The following SHTN1 variants were observed in gnomAD, a reference collection of about 807,000 sequenced individuals.
SHTN1 encodes the protein shootin 1, also known as shootin-1.
SHTN1 carries 42 observed loss-of-function variants against 83.1 expected under a neutral mutation model. That is an observed-to-expected ratio of 0.51 (90% CI 0.39 to 0.65). The LOEUF (loss-of-function observed/expected upper bound fraction) is 0.65, where lower values mean the gene tolerates loss of function less well. Ranked by LOEUF, SHTN1 falls within the 30% of genes least tolerant of loss-of-function variation. The probability of loss-of-function intolerance (pLI) is 0.00; values close to 1 mark genes in which losing one functional copy is unlikely to be tolerated. For missense variants in SHTN1, 622 were observed against 737.8 expected, an observed-to-expected ratio of 0.84 and a Z score of 1.82; for synonymous variants, 224 against 247.7, an observed-to-expected ratio of 0.90 and a Z score of 0.90.
chr10:116,979,333 T>TA, intron 1 of SHTN1, 25 bp from the exon 2 acceptor site: 1 of 1,604,070 alleles, frequency 6.2e-7, no homozygotes, highest in Non-Finnish European at 8.5e-7. Context: ...GAAAGCAACA[T>TA]TACAACACTG....
rs375523712 is a variant in SHTN1, at chr10:117,004,315, G to GA, written c.58+706dup. Among the ~76,000 whole-genome samples the GA allele has an allele frequency of 8.9e-4, 135 of 152,046 alleles. 1 individual carries two copies. Among genetic ancestry groups the GA allele is most frequent in the African/African-American group, 3.1e-3 (130 of 41,470 alleles). Reference sequence around the variant, plus strand: ...TTGGTTCAGAAGTGTGGTAACTGATGAAAAAAATGATTGACTGAAGCAGGT... The same window carrying GA: ...TTGGTTCAGAAGTGTGGTAACTGATGAAAAAAAATGATTGACTGAAGCAGGT... On this transcript the variant is annotated intron_variant, in intron 1 of 16. Coordinates refer to ENST00000355371, the MANE Select transcript of SHTN1 (RefSeq NM_001127211.3).
intron 1 of SHTN1, among the ~76,000 whole-genome samples, chr10:117,099,901 G>C (rs931057430): frequency 6.6e-6 from 1 of 152,106 alleles, no homozygotes; most frequent in Non-Finnish European, 1.5e-5. Context: ...ATACAGGCCA[G>C]GCATGGTGGC....
At chr10:116,966,526 T>A (rs1163302843) in intron 3 of SHTN1, among the ~76,000 whole-genome samples, 1 of 152,224 alleles carries the variant, frequency 6.6e-6, no homozygotes, top group Non-Finnish European at 1.5e-5. Flanking sequence ...GGCTTTGAGT[T>A]GCTCATAAGG....
At chr10:116,953,530 T>G (rs998836890) in intron 5 of SHTN1, among the ~76,000 whole-genome samples, 2 of 151,912 alleles carry the variant, frequency 1.3e-5, no homozygotes, top group East Asian at 3.9e-4. Flanking sequence ...TACTGATGCC[T>G]AGGTCCTACC....
At chr10:116,949,976 A>C (rs565529293) in intron 6 of SHTN1, among the ~76,000 whole-genome samples, 2 of 152,194 alleles carry the variant, frequency 1.3e-5, no homozygotes, top group Non-Finnish European at 2.9e-5. Flanking sequence ...AACACTCAAA[A>C]TACTATGTAT....
At chr10:117,003,399 A>C (rs1353340596) in intron 1 of SHTN1, among the ~76,000 whole-genome samples, 1 of 149,174 alleles carries the variant, frequency 6.7e-6, no homozygotes, top group Non-Finnish European at 1.5e-5. Flanking sequence ...TGGGAAGGCC[A>C]AAGAGACTAA....
At chr10:116,929,564 G>C (rs532878747) in intron 10 of SHTN1, among the ~76,000 whole-genome samples, 1 of 152,244 alleles carries the variant, frequency 6.6e-6, no homozygotes, top group East Asian at 1.9e-4. Context: ...ATGCTGAAAA[G>C]TTGGTCTTCC....
intron 5 of SHTN1, among the ~76,000 whole-genome samples, chr10:116,953,836 C>G (rs1849877743): frequency 6.6e-6 from 1 of 151,874 alleles, no homozygotes; most frequent in Non-Finnish European, 1.5e-5. Flanking sequence ...ACCAGGTTGG[C>G]CAAGTTGGTC....
At chr10:117,055,586 AC>A (rs71013636) in intron 1 of SHTN1, among the ~76,000 whole-genome samples, 99,143 of 152,068 alleles carry the variant, frequency 0.65, 36,112 homozygotes, top group Middle Eastern at 0.84. Flanking sequence ...AATGGTTAAG[AC>A]CTGGGTGCAG....
At chr10:116,898,525 G>T (rs1372130188) in intron 16 of SHTN1, among the ~76,000 whole-genome samples, 2 of 152,044 alleles carry the variant, frequency 1.3e-5, no homozygotes, top group African/African-American at 4.8e-5. Flanking sequence ...AGCATAAAGG[G>T]ACATGATGAG....
rs1050706446 is a variant in SHTN1 at position 116,987,028 on chromosome 10, AT to A, written c.59-7721del. Among the ~76,000 whole-genome samples the A allele has an allele frequency of 2.0e-5, 3 of 151,916 alleles. No homozygotes were observed. In the East Asian group the frequency reaches 5.8e-4, roughly 30 times the overall value. On this transcript the variant is annotated intron_variant, in intron 1 of 16. Transcript: ENST00000355371. The stretch of plus-strand genomic sequence containing the variant: ...AGGTGTGAACCACCGTGCCCGGCCT[AT>A]TTTTTTAAAAGGAAAATAAGGTAGC...
At chr10:116,899,544 T>TGTGTGTGTGTGTGA (rs1564865093) in intron 16 of SHTN1, among the ~76,000 whole-genome samples, 2 of 99,164 alleles carry the variant, frequency 2.0e-5, no homozygotes, top group African/African-American at 6.2e-5. Context: ...TGTGTGTGTG[T>TGTGTGTGTGTGTGA]GTGAGAGAGT....
upstream of SHTN1, chr10:117,005,347 G>C: frequency 7.8e-7 from 1 of 1,281,974 alleles, no homozygotes; most frequent in Non-Finnish European, 9.9e-7. Context: ...GGGCGGGTCG[G>C]CAGCCGCTAT....
Position 117,079,352 on chromosome 10 carries a change from C to T in SHTN1, c.-188-30842G>A, listed in dbSNP as rs1470496925. ...GTTTCCAATTTCATCCATGTCCCTA[C>T]AAAGGACATGAACTCATCATTTTTT... On this transcript the variant is annotated intron_variant, in intron 1 of 17. Coordinates refer to the SHTN1 transcript ENST00000392901. 2.7e-3 allele frequency among the ~76,000 whole-genome samples: 364 copies of T among 133,092 alleles called. 3 individuals are homozygous for T. Among genetic ancestry groups the T allele is most frequent in the African/African-American group, 1.0e-2 (340 of 34,078 alleles). The allele number at this position is 133,092 out of a possible 152,430, so 87.3% of individuals were successfully genotyped here.
chr10:117,004,540 G>C (rs1851939673), intron 1 of SHTN1, among the ~76,000 whole-genome samples: 1 of 152,118 alleles, frequency 6.6e-6, no homozygotes, highest in South Asian at 2.1e-4. Context: ...GCTGGGCAAG[G>C]AAAGAGGAAC....
Position 116,884,214 on chromosome 10 carries a change from G to A in SHTN1, c.*2130C>T, listed in dbSNP as rs772142341. 1.1e-4 allele frequency: 50 copies of A among 457,030 alleles called. No individual in the cohort carries two copies. Among genetic ancestry groups the A allele is most frequent in the Non-Finnish European group, 1.8e-4 (41 of 227,180 alleles). The allele number at this position is 457,030 out of a possible 1,614,324, so 28.3% of individuals were successfully genotyped here. On this transcript the variant is annotated 3_prime_UTR_variant, in exon 17 of 17. Coordinates refer to ENST00000355371, the MANE Select transcript of SHTN1 (RefSeq NM_001127211.3). ...GAACATACCTTGCAGATATAAGCACGGTTCTCCTATGTCTTCCTATTTGGG... is the reference window on the plus strand; with the variant it reads ...GAACATACCTTGCAGATATAAGCACAGTTCTCCTATGTCTTCCTATTTGGG...
intron 1 of SHTN1, among the ~76,000 whole-genome samples, chr10:117,075,036 A>C (rs1021082808): frequency 6.6e-6 from 1 of 152,236 alleles, no homozygotes; most frequent in African/African-American, 2.4e-5. Context: ...AAAATAAAAC[A>C]ATACAGATAT....
intron 1 of SHTN1, among the ~76,000 whole-genome samples, chr10:116,997,188 CCAG>C (rs1336460988): frequency 6.6e-6 from 1 of 152,194 alleles, no homozygotes; most frequent in East Asian, 1.9e-4. Flanking sequence ...AGACTTTACC[CCAG>C]GAGTTTCCCC....
chr10:116,961,132 A>G (rs1850170101), intron 3 of SHTN1, among the ~76,000 whole-genome samples: 1 of 152,080 alleles, frequency 6.6e-6, no homozygotes, highest in African/African-American at 2.4e-5. Context: ...AAAAAAAAAA[A>G]TTAAAGGACA....
Sources: allele counts gnomAD v4.1 joint callset (sites outside exome capture counted in the v4.1 genomes callset), GRCh38; gene constraint gnomAD v4.1.1; transcripts MANE v1.5; gene names NCBI Gene and HGNC (gene_info 2026-07-23, HGNC 2026-07-21).